The following RNF150 variants were observed in gnomAD, a reference collection of about 807,000 sequenced individuals.
RNF150 encodes the protein ring finger protein 150.
In RNF150, 24 loss-of-function variants were observed where a neutral mutation model predicts 39.3. The ratio of observed to expected loss-of-function variants is 0.61; its 90% CI spans 0.44 to 0.86. RNF150 has a LOEUF of 0.86. RNF150 is among the 40% of genes least tolerant of loss of function. The pLI, the probability that RNF150 is intolerant of heterozygous loss-of-function variation, is 0.00. For synonymous variants in RNF150, 255 were observed against 227.3 expected (o/e 1.12, Z -1.10); for missense variants, 502 against 587.8 (o/e 0.85, Z 1.51).
chr4:140,981,831 C>G (rs1733869563), intron 1 of RNF150, among the ~76,000 whole-genome samples: 1 of 152,208 alleles, frequency 6.6e-6, no homozygotes, highest in African/African-American at 2.4e-5. Flanking sequence ...AGGAAGCATT[C>G]TGCTCGAAGT....
chr4:140,950,502 G>T (rs149562330), intron 2 of RNF150, among the ~76,000 whole-genome samples: 2 of 152,318 alleles, frequency 1.3e-5, no homozygotes, highest in African/African-American at 4.8e-5. Context: ...CAATATCATA[G>T]AGTTAGTGAA....
At position 141,132,817 on chromosome 4, in the gene RNF150, G is replaced by GCCGGGGCCCCCTCC; in HGVS notation, c.-23_-10dup. On this transcript the variant is annotated 5_prime_UTR_variant, in exon 1 of 7. Transcript: ENST00000515673. The surrounding 1 kb of genome is among the most constrained non-coding windows in gnomAD (Gnocchi z 4.9). Reference sequence around the variant, plus strand: ...ATGAGAGACATTGCCATCTTTATCCGCCGGGGCCCCCTCCCCGCCCCCGCG... The same window carrying GCCGGGGCCCCCTCC: ...ATGAGAGACATTGCCATCTTTATCCGCCGGGGCCCCCTCCCCGGGGCCCCCTCCCCGCCCCCGCG... 6.2e-7 allele frequency: 1 copy of GCCGGGGCCCCCTCC among 1,606,936 alleles called. No individual in the cohort carries two copies.
chr4:141,034,045 T>A (rs1254622138), intron 1 of RNF150, among the ~76,000 whole-genome samples: 2 of 152,228 alleles, frequency 1.3e-5, no homozygotes, highest in African/African-American at 4.8e-5. Context: ...AGCCAGGCAC[T>A]GACTTCTCTT....
intron 1 of RNF150, among the ~76,000 whole-genome samples, chr4:141,126,354 T>A (rs1029021317): frequency 6.6e-6 from 1 of 152,206 alleles, no homozygotes; most frequent in Non-Finnish European, 1.5e-5. Context: ...AATTCCACAA[T>A]GTTCCCACTC....
intron 1 of RNF150, among the ~76,000 whole-genome samples, chr4:141,169,260 C>T (rs1727660082): frequency 6.6e-6 from 1 of 152,062 alleles, no homozygotes; most frequent in African/African-American, 2.4e-5. Flanking sequence ...CTGCTCTGGG[C>T]ATGTAGGACG....
At chr4:141,171,475 AG>A (rs1366601242) in intron 1 of RNF150, among the ~76,000 whole-genome samples, 1 of 152,024 alleles carries the variant, frequency 6.6e-6, no homozygotes. Flanking sequence ...AGAGAGAGAG[AG>A]AGAGAGAGAG....
chr4:141,112,276 T>C (rs1333967167), intron 1 of RNF150, among the ~76,000 whole-genome samples: 1 of 152,220 alleles, frequency 6.6e-6, no homozygotes, highest in Non-Finnish European at 1.5e-5. Flanking sequence ...ATTATGATGA[T>C]AGCTGGTTAT....
At chr4:140,972,060 A>G (rs1733487876) in intron 1 of RNF150, among the ~76,000 whole-genome samples, 1 of 152,102 alleles carries the variant, frequency 6.6e-6, no homozygotes, top group African/African-American at 2.4e-5. Context: ...TCCCATTTGT[A>G]GATATTTTCT....
chr4:140,968,841 AATATTAATTAATATTAATATTT>A (rs932151970), intron 1 of RNF150, among the ~76,000 whole-genome samples: 3 of 151,332 alleles, frequency 2.0e-5, no homozygotes, highest in African/African-American at 7.3e-5. Flanking sequence ...TTCAAATATT[AATATTAATTAATATTAATATTT>A]ATATTAATTT....
chr4:141,019,914 C>T (rs1735424006), intron 1 of RNF150, among the ~76,000 whole-genome samples: 1 of 152,040 alleles, frequency 6.6e-6, no homozygotes, highest in African/African-American at 2.4e-5. Context: ...CAGTACACTC[C>T]TTGAATCCTT....
Position 141,132,825 on chromosome 4 carries a change from C to A in RNF150, c.-17G>T, listed in dbSNP as rs1560754178. 6.2e-7 allele frequency: 1 copy of A among 1,601,886 alleles called. No individual in the cohort carries two copies. The highest frequency in any genetic ancestry group is 1.3e-5 in the African/African-American group (1 of 74,156). On this transcript the variant is annotated 5_prime_UTR_variant, in exon 1 of 7. Transcript: ENST00000515673. The surrounding 1 kb of genome is among the most constrained non-coding windows in gnomAD (Gnocchi z 4.9). The stretch of plus-strand genomic sequence containing the variant: ...CATTGCCATCTTTATCCGCCGGGGC[C>A]CCCTCCCCGCCCCCGCGCCCTCCCT...
chr4:140,934,511 G>C (rs1731763910), intron 4 of RNF150, among the ~76,000 whole-genome samples: 1 of 152,112 alleles, frequency 6.6e-6, no homozygotes, highest in Admixed American at 6.5e-5. Flanking sequence ...CACAAGCACT[G>C]TCCTTCTACG....
chr4:141,150,089 G>C (rs146232621), intron 1 of RNF150, among the ~76,000 whole-genome samples: 1 of 152,092 alleles, frequency 6.6e-6, no homozygotes, highest in Non-Finnish European at 1.5e-5. Context: ...TAAAATCATA[G>C]CATCATTTGC....
chr4:141,023,848 C>G (rs1157440799), intron 1 of RNF150, among the ~76,000 whole-genome samples: 2 of 152,114 alleles, frequency 1.3e-5, no homozygotes, highest in African/African-American at 4.8e-5. Flanking sequence ...CCAAAATGTT[C>G]TTATGCTTCA....
intron 1 of RNF150, among the ~76,000 whole-genome samples, chr4:141,129,854 G>A (rs1369723755): frequency 6.6e-6 from 1 of 152,158 alleles, no homozygotes; most frequent in African/African-American, 2.4e-5. Context: ...TTAAACGACA[G>A]GTTGCATAAC....
At chr4:141,158,932 T>G (rs1239708297) in intron 1 of RNF150, among the ~76,000 whole-genome samples, 1 of 152,228 alleles carries the variant, frequency 6.6e-6, no homozygotes, top group Non-Finnish European at 1.5e-5. Flanking sequence ...GTTACCATCT[T>G]GAGGGTGCTT....
chr4:141,088,521 T>G (rs1459041718), intron 1 of RNF150, among the ~76,000 whole-genome samples: 1 of 152,202 alleles, frequency 6.6e-6, no homozygotes, highest in Non-Finnish European at 1.5e-5. Context: ...TGGTAGGCAT[T>G]GCATTTAAAA....
At chr4:141,189,812 C>T (rs1728073890) in intron 1 of RNF150, among the ~76,000 whole-genome samples, 1 of 152,196 alleles carries the variant, frequency 6.6e-6, no homozygotes, top group Non-Finnish European at 1.5e-5. Flanking sequence ...AATTTCATGC[C>T]AGTGGATCTT....
At chr4:141,169,655 G>A (rs1302812982) in intron 1 of RNF150, among the ~76,000 whole-genome samples, 1 of 151,988 alleles carries the variant, frequency 6.6e-6, no homozygotes, top group Non-Finnish European at 1.5e-5. Context: ...ATCTCTTCAG[G>A]CTTGAGTTCA....
Sources: allele counts gnomAD v4.1 joint callset (sites outside exome capture counted in the v4.1 genomes callset), GRCh38; gene constraint gnomAD v4.1.1; non-coding constraint Gnocchi (gnomAD v3.1); transcripts MANE v1.5; gene names NCBI Gene and HGNC (gene_info 2026-07-23, HGNC 2026-07-21).